The following CSGALNACT1 variants were observed in gnomAD, a reference collection of about 807,000 sequenced individuals.
The protein encoded by CSGALNACT1 is chondroitin sulfate N-acetylgalactosaminyltransferase 1.
CSGALNACT1 carries 52 observed loss-of-function variants against 51.0 expected under a neutral mutation model. That is an observed-to-expected ratio of 1.02 (90% CI 0.82 to 1.29). The LOEUF (loss-of-function observed/expected upper bound fraction) is 1.29, where lower values mean the gene tolerates loss of function less well. CSGALNACT1 is among the 50% of genes most tolerant of loss of function. CSGALNACT1 has a pLI of 0.00. For synonymous variants in CSGALNACT1, 341 were observed against 254.4 expected (o/e 1.34, Z -3.24); for missense variants, 935 against 679.2 (o/e 1.38, Z -4.19).
intron 1 of CSGALNACT1, among the ~76,000 whole-genome samples, chr8:19,702,285 G>A (rs995828759): frequency 1.3e-5 from 2 of 152,094 alleles, no homozygotes; most frequent in African/African-American, 4.8e-5. Flanking sequence ...AATGCTTTGG[G>A]AGGCTGAGGC....
At chr8:19,659,052 G>A (rs1039335585) in intron 1 of CSGALNACT1, among the ~76,000 whole-genome samples, 3 of 152,030 alleles carry the variant, frequency 2.0e-5, no homozygotes, top group African/African-American at 7.2e-5. Flanking sequence ...TCACTGAAAA[G>A]GCAGGGCTCC....
At position 19,479,809 on chromosome 8, in the gene CSGALNACT1, TG is replaced by T. The variant is rs1159635029; in HGVS notation, c.635-21168del. Reference sequence around the variant, plus strand: ...CCTCTCCGTAGATCACACTAATGCCTGTCTTCAGGAAAGAACTTAGAAAAAA... The same window carrying T: ...CCTCTCCGTAGATCACACTAATGCCTTCTTCAGGAAAGAACTTAGAAAAAA... On this transcript the variant is annotated intron_variant, in intron 4 of 9. Transcript: ENST00000454498. Among the ~76,000 whole-genome samples the T allele has an allele frequency of 1.5e-4, 4 of 26,028 alleles. 1 individual carries two copies. The highest frequency in any genetic ancestry group is 4.3e-4 in the African/African-American group (4 of 9,210). The allele number at this position is 26,028 out of a possible 152,430, so 17.1% of individuals were successfully genotyped here. A position where few individuals can be genotyped will look rare whatever the true frequency, so the allele number is the denominator to read the frequency against.
chr8:19,457,540 G>C (rs943787954), intron 5 of CSGALNACT1: 3 of 514,138 alleles, frequency 5.8e-6, no homozygotes, highest in Middle Eastern at 5.9e-4. Flanking sequence ...CTGAACCTGG[G>C]AGGTGAAGGT....
chr8:19,495,783 G>T (rs1232551247), intron 4 of CSGALNACT1, among the ~76,000 whole-genome samples: 2 of 152,228 alleles, frequency 1.3e-5, no homozygotes, highest in Non-Finnish European at 2.9e-5. Context: ...TTTGTGTGAG[G>T]TGATGATAAA....
At chr8:19,673,421 A>T (rs1418291155) in intron 1 of CSGALNACT1, among the ~76,000 whole-genome samples, 1 of 150,146 alleles carries the variant, frequency 6.7e-6, no homozygotes, top group East Asian at 1.9e-4. Context: ...TCATCATGAG[A>T]TCTGGTCACA....
chr8:19,552,308 C>T (rs1314172676), intron 3 of CSGALNACT1, among the ~76,000 whole-genome samples: 2 of 152,064 alleles, frequency 1.3e-5, no homozygotes, highest in Admixed American at 6.6e-5. Context: ...AATTTACTTA[C>T]AGTGAAGTAT....
chr8:19,677,109 G>GA (rs2060250213), intron 1 of CSGALNACT1, among the ~76,000 whole-genome samples: 2 of 123,148 alleles, frequency 1.6e-5, no homozygotes, highest in African/African-American at 5.9e-5. Flanking sequence ...CTTTGAGAAT[G>GA]CTTTTTTTTT....
intron 1 of CSGALNACT1, among the ~76,000 whole-genome samples, chr8:19,616,706 C>T (rs2053071869): frequency 6.6e-6 from 1 of 152,094 alleles, no homozygotes; most frequent in Admixed American, 6.5e-5. Context: ...CTCGCTTCTA[C>T]TCTCACCATG....
chr8:19,683,132 G>C (rs1274698058), upstream of CSGALNACT1: 1 of 213,256 alleles, frequency 4.7e-6, no homozygotes, highest in African/African-American at 2.3e-5. Flanking sequence ...TCAGGTGTTA[G>C]GATTTGATCT....
chr8:19,535,207 T>A (rs1332018888), intron 3 of CSGALNACT1, among the ~76,000 whole-genome samples: 1 of 151,880 alleles, frequency 6.6e-6, no homozygotes, highest in Non-Finnish European at 1.5e-5. Flanking sequence ...GAAAAAAAAA[T>A]AGAAAAGAAA....
At chr8:19,540,071 C>A (rs564839440) in intron 3 of CSGALNACT1, among the ~76,000 whole-genome samples, 2 of 152,288 alleles carry the variant, frequency 1.3e-5, no homozygotes, top group South Asian at 4.1e-4. Context: ...ATCATGAATT[C>A]CTAACGCTAA....
chr8:19,510,988 C>T (rs1383163229), intron 3 of CSGALNACT1, among the ~76,000 whole-genome samples: 1 of 152,184 alleles, frequency 6.6e-6, no homozygotes, highest in Non-Finnish European at 1.5e-5. Flanking sequence ...ACGTTTTGGT[C>T]ACGAGAGCTG....
intron 4 of CSGALNACT1, among the ~76,000 whole-genome samples, chr8:19,486,452 C>T (rs1226795129): frequency 6.6e-6 from 1 of 152,304 alleles, no homozygotes; most frequent in East Asian, 1.9e-4. Context: ...ATGAGGCTCA[C>T]ATGACATGCC....
At chr8:19,463,119 G>T (rs1049997989) in intron 4 of CSGALNACT1, among the ~76,000 whole-genome samples, 1 of 151,280 alleles carries the variant, frequency 6.6e-6, no homozygotes, top group Non-Finnish European at 1.5e-5. Context: ...ACGGCCTCCA[G>T]CTGCATTCCT....
intron 1 of CSGALNACT1, among the ~76,000 whole-genome samples, chr8:19,749,872 G>C (rs542228493): frequency 1.1e-4 from 16 of 152,218 alleles, no homozygotes; most frequent in African/African-American, 3.9e-4. Flanking sequence ...ACTGCTTTTG[G>C]AAAAATCCTG....
intron 1 of CSGALNACT1, among the ~76,000 whole-genome samples, chr8:19,674,040 C>G (rs1438212067): frequency 6.6e-6 from 1 of 152,214 alleles, no homozygotes; most frequent in Non-Finnish European, 1.5e-5. Flanking sequence ...GTCATCCCAA[C>G]ACTTTGGGAG....
Position 19,721,243 on chromosome 8 carries a change from C to T in CSGALNACT1, c.-297+36607G>A, listed in dbSNP as rs185071691. On this transcript the variant is annotated intron_variant, in intron 1 of 1. Transcript: ENST00000517494. ...CCAAAACCTGCTGTGAACAACATCC[C>T]GGAGACTGTGAAACTGATCTCCAGG... is the stretch of plus-strand genomic sequence containing the variant. Among the ~76,000 whole-genome samples, 55 of 152,252 alleles carry T rather than the reference C, an allele frequency of 3.6e-4. 1 individual carries two copies. The highest frequency in any genetic ancestry group is 1.2e-3 in the African/African-American group (50 of 41,546).
At chr8:19,472,547 A>C (rs1297235662) in intron 4 of CSGALNACT1, among the ~76,000 whole-genome samples, 1 of 152,266 alleles carries the variant, frequency 6.6e-6, no homozygotes, top group Non-Finnish European at 1.5e-5. Context: ...AAAAAGTTAA[A>C]GTAACCAATT....
chr8:19,439,904 T>C (rs1445861705), exon 6 of CSGALNACT1: 6 of 1,613,988 alleles, frequency 3.7e-6, no homozygotes, highest in Non-Finnish European at 5.1e-6. Flanking sequence ...TGAGATGGAC[T>C]CTCCCATCCT....
Sources: allele counts gnomAD v4.1 joint callset (sites outside exome capture counted in the v4.1 genomes callset), GRCh38; gene constraint gnomAD v4.1.1; transcripts MANE v1.5; gene names NCBI Gene and HGNC (gene_info 2026-07-23, HGNC 2026-07-21).